The following RBM33 variants were observed in gnomAD, a reference collection of about 807,000 sequenced individuals.
The protein encoded by RBM33 is RNA binding motif protein 33, also known as RNA-binding protein 33.
Under a neutral mutation model 132.6 loss-of-function variants are expected in RBM33, and 28 were observed. The observed-to-expected ratio is 0.21, with a 90% CI of 0.16 to 0.29. The LOEUF is 0.29. Among genes scored for constraint, RBM33 ranks in the 10% least tolerant of loss-of-function variants. The pLI, the probability that RBM33 is intolerant of heterozygous loss-of-function variation, is 1.00. For synonymous variants in RBM33, 634 were observed against 593.0 expected, an observed-to-expected ratio of 1.07 and a Z score of -1.01; for missense variants, 1,291 against 1,518.5, an observed-to-expected ratio of 0.85 and a Z score of 2.49.
chr7:155,730,787 A>G (rs1800933224), intron 9 of RBM33, among the ~76,000 whole-genome samples: 1 of 152,234 alleles, frequency 6.6e-6, no homozygotes, highest in South Asian at 2.1e-4. Context: ...ACGTACCAGT[A>G]ACATTCAGAT....
At chr7:155,676,216 C>T (rs748292166) in intron 3 of RBM33, among the ~76,000 whole-genome samples, 2 of 152,132 alleles carry the variant, frequency 1.3e-5, no homozygotes, top group Admixed American at 1.3e-4. Context: ...CAAGTTCATT[C>T]GTGTCAAGAA....
intron 7 of RBM33, chr7:155,707,297 C>A (rs929338258): frequency 1.5e-6 from 1 of 648,606 alleles, no homozygotes; most frequent in Non-Finnish European, 2.9e-6. Context: ...ACCACAGATA[C>A]TTCCAGAGGA....
At chr7:155,718,963 TCTC>T (rs1800545053) in intron 9 of RBM33, among the ~76,000 whole-genome samples, 15 of 152,254 alleles carry the variant, frequency 9.9e-5, no homozygotes, top group Middle Eastern at 6.8e-3. Flanking sequence ...TCTCTCTCTC[TCTC>T]TCACACACAC....
At chr7:155,754,828 G>C (rs1801796612) in intron 14 of RBM33, among the ~76,000 whole-genome samples, 1 of 152,210 alleles carries the variant, frequency 6.6e-6, no homozygotes, top group Admixed American at 6.5e-5. Context: ...TAGGAGGTCT[G>C]TCCAACCTGG....
At chr7:155,756,937 C>T (rs1289549738) in intron 14 of RBM33, among the ~76,000 whole-genome samples, 1 of 152,170 alleles carries the variant, frequency 6.6e-6, no homozygotes, top group East Asian at 1.9e-4. Flanking sequence ...TGTCAGTTTA[C>T]AAGTAATGAT....
intron 14 of RBM33, among the ~76,000 whole-genome samples, chr7:155,759,497 A>C (rs995215776): frequency 1.4e-4 from 21 of 145,396 alleles, no homozygotes; most frequent in African/African-American, 5.4e-4. Context: ...GGCTCACTGC[A>C]AGCTCCGCCT....
intron 14 of RBM33, among the ~76,000 whole-genome samples, chr7:155,750,646 T>C (rs1429271211): frequency 6.6e-6 from 1 of 152,160 alleles, no homozygotes; most frequent in Admixed American, 6.5e-5. Context: ...GTCATAATCA[T>C]GTAAAGTTAG....
chr7:155,741,186 T>G (rs1801320060), intron 12 of RBM33, among the ~76,000 whole-genome samples: 1 of 152,144 alleles, frequency 6.6e-6, no homozygotes, highest in Non-Finnish European at 1.5e-5. Context: ...ACTGGGATAT[T>G]TGACCTGCGG....
intron 3 of RBM33, among the ~76,000 whole-genome samples, chr7:155,675,066 G>A (rs1305495660): frequency 2.0e-5 from 3 of 152,128 alleles, no homozygotes; most frequent in Non-Finnish European, 4.4e-5. Flanking sequence ...CAGCACTTTG[G>A]GAAGCTGAGG....
intron 14 of RBM33, among the ~76,000 whole-genome samples, chr7:155,751,238 T>C (rs2117046247): frequency 6.6e-6 from 1 of 152,346 alleles, no homozygotes; most frequent in African/African-American, 2.4e-5. Flanking sequence ...CAAGTTTGCT[T>C]TATCCTGGTC....
chr7:155,674,981 C>CTT (rs1027249319), intron 3 of RBM33, among the ~76,000 whole-genome samples: 1 of 152,116 alleles, frequency 6.6e-6, no homozygotes, highest in African/African-American at 2.4e-5. Flanking sequence ...TGCCATCTGT[C>CTT]TTTTATTCTT....
At chr7:155,739,565 A>T (rs1365231135) in intron 11 of RBM33, 150 bp from the exon 12 acceptor site, 2 of 750,308 alleles carry the variant, frequency 2.7e-6, no homozygotes, top group East Asian at 2.8e-5. Context: ...CATTTTAGAT[A>T]GTATTACCTT....
chr7:155,665,386 C>G, intron 2 of RBM33, 133 bp downstream of exon 2: 2 of 726,572 alleles, frequency 2.8e-6, no homozygotes, highest in East Asian at 5.6e-5. Flanking sequence ...GCTGTCCCTC[C>G]TGAGCTAAAG....
intron 1 of RBM33, among the ~76,000 whole-genome samples, chr7:155,659,845 C>A (rs762981308): frequency 1.3e-5 from 2 of 152,182 alleles, no homozygotes; most frequent in Admixed American, 6.5e-5. Context: ...CCCTGTGAAG[C>A]CTCTAGGGGA....
At position 155,763,825 on chromosome 7, in the gene RBM33, A is replaced by G; in HGVS notation, c.2993A>G (p.Asp998Gly). The G allele has an allele frequency of 6.2e-7, 1 of 1,610,828 alleles. No individual in the cohort carries two copies. Among genetic ancestry groups the G allele is most frequent in the Non-Finnish European group, 8.5e-7 (1 of 1,178,544 alleles). Reference protein sequence around the residue: ...IKLSGGGGESDGFFHPEGQPQ... With the variant: ...IKLSGGGGESGGFFHPEGQPQ... The stretch of plus-strand genomic sequence containing the variant: ...TGGTTTCAGCAGGGAGGAGAGAGCG[A>G]TGGCTTTTTTCACCCAGAAGGCCAG... The change falls in exon 15 of 18, where the codon GAT becomes GGT. Residue 998 changes from aspartate to glycine, a missense_variant. Coordinates refer to ENST00000401878, the MANE Select transcript of RBM33 (RefSeq NM_053043.3).
At chr7:155,763,059 G>GT (rs1802088982) in intron 14 of RBM33, among the ~76,000 whole-genome samples, 1 of 152,208 alleles carries the variant, frequency 6.6e-6, no homozygotes, top group South Asian at 2.1e-4. Context: ...CAGTTCCAAG[G>GT]TGTACGTGCC....
chr7:155,756,779 T>G (rs976420834), intron 14 of RBM33, among the ~76,000 whole-genome samples: 1 of 152,080 alleles, frequency 6.6e-6, no homozygotes, highest in South Asian at 2.1e-4. Flanking sequence ...GCAGCAAAAT[T>G]TGGGCAGAAA....
intron 7 of RBM33, among the ~76,000 whole-genome samples, chr7:155,709,318 C>A (rs1800209380): frequency 1.3e-5 from 2 of 152,074 alleles, no homozygotes; most frequent in Admixed American, 1.3e-4. Context: ...TTAAATACTT[C>A]CTGGTTTTTG....
At chr7:155,742,517 A>G (rs1165851908) in intron 13 of RBM33, among the ~76,000 whole-genome samples, 1 of 152,162 alleles carries the variant, frequency 6.6e-6, no homozygotes, top group African/African-American at 2.4e-5. Flanking sequence ...GTAAAACTTT[A>G]CTTTATAAAA....
Sources: gnomAD v4.1 joint callset for allele counts (sites outside exome capture counted in the v4.1 genomes callset) on GRCh38, gnomAD v4.1.1 for gene constraint, MANE v1.5 for transcripts, NCBI Gene and HGNC (gene_info 2026-07-23, HGNC 2026-07-21) for gene names.